SPOUT1: variants seen among roughly 807,000 people sequenced by gnomAD.
SPOUT1 encodes 28S rRNA (uridine-N(3))-methyltransferase.
Under a neutral mutation model 54.8 loss-of-function variants are expected in SPOUT1, and 40 were observed. The observed-to-expected ratio is 0.73, with a 90% CI of 0.57 to 0.95. SPOUT1 has a LOEUF of 0.95. Ranked by LOEUF, SPOUT1 falls within the 40% of genes least tolerant of loss-of-function variation. The probability of loss-of-function intolerance (pLI) is 0.00; values close to 1 mark genes in which losing one functional copy is unlikely to be tolerated. For missense variants in SPOUT1, 437 were observed against 499.5 expected (o/e 0.87, Z 1.19); for synonymous variants, 193 against 200.3 (o/e 0.96, Z 0.31).
At position 128,829,633 on chromosome 9, in the gene SPOUT1, G is replaced by A. The variant is rs867950174; in HGVS notation, c.36+112C>T. ...TTCGGGGGCTTCCGGCCTGGGATCAGCGGGAAGCAGGCAGCAGGAGGCGCG... is the reference window on the plus strand; with the variant it reads ...TTCGGGGGCTTCCGGCCTGGGATCAACGGGAAGCAGGCAGCAGGAGGCGCG... On this transcript the variant is annotated intron_variant, in intron 1 of 11. Transcript: ENST00000361256. The A allele has an allele frequency of 5.6e-5, 46 of 822,810 alleles. No homozygotes were observed. In the Middle Eastern group the frequency reaches 9.1e-4, roughly 16 times the overall value. The allele number at this position is 822,810 out of a possible 1,614,324, so 51.0% of individuals were successfully genotyped here. A position where few individuals can be genotyped will look rare whatever the true frequency, so the allele number is the denominator to read the frequency against.
rs774163120 is a variant in SPOUT1 at position 128,822,541 on chromosome 9, G to A, written c.*224C>T. 6.3e-5 allele frequency: 99 copies of A among 1,559,892 alleles called. No individual in the cohort carries two copies. Among genetic ancestry groups the A allele is most frequent in the Non-Finnish European group, 2.4e-5 (28 of 1,151,572 alleles). Reference sequence around the variant, plus strand: ...TCGAGAGCATTGAGCGGGCTTCGGGGCTGCTCTTTGTGCCAAACATCCTGG... The same window carrying A: ...TCGAGAGCATTGAGCGGGCTTCGGGACTGCTCTTTGTGCCAAACATCCTGG... On this transcript the variant is annotated 3_prime_UTR_variant, in exon 12 of 12. Coordinates refer to ENST00000361256, the MANE Select transcript of SPOUT1 (RefSeq NM_016390.4).
At position 128,822,322 on chromosome 9, in the gene SPOUT1, C is replaced by T. The variant is rs1233127231; in HGVS notation, c.*443G>A. The T allele has an allele frequency of 1.2e-6, 2 of 1,612,094 alleles. No individual in the cohort carries two copies. The highest frequency in any genetic ancestry group is 2.7e-5 in the African/African-American group (2 of 74,892). ...CCTGCCCACGTGTGCCTGGGTCTGC[C>T]CACAGGACAGAGGCTGATGGGAAAT... On this transcript the variant is annotated 3_prime_UTR_variant, in exon 12 of 12. Coordinates refer to ENST00000361256, the MANE Select transcript of SPOUT1 (RefSeq NM_016390.4).
In SPOUT1 at chr9:128,829,095, C is replaced by T; in HGVS notation, c.82+15G>A. On this transcript the variant is annotated intron_variant, in intron 2 of 11. Coordinates refer to ENST00000361256, the MANE Select transcript of SPOUT1 (RefSeq NM_016390.4). ...AGTGGCCTATGGGAAGATACTCTTA[C>T]CCACCCTTACTTACTCTGTTGCTTC... The T allele has an allele frequency of 1.2e-6, 2 of 1,611,976 alleles. No individual in the cohort carries two copies. The highest frequency in any genetic ancestry group is 2.2e-5 in the East Asian group (1 of 44,872).
chr9:128,821,999 C>G lies in SPOUT1; in HGVS notation c.*766G>C. 3.0e-6 allele frequency: 1 copy of G among 333,444 alleles called. No homozygotes were observed. The highest frequency in any genetic ancestry group is 5.7e-6 in the Non-Finnish European group (1 of 176,042). The allele number at this position is 333,444 out of a possible 1,614,324, so 20.7% of individuals were successfully genotyped here. On this transcript the variant is annotated 3_prime_UTR_variant, in exon 12 of 12. Transcript: ENST00000361256. ...TCATGGTCCTTGCCCACTTGTTGCT[C>G]ACCTCTGTGGGGAGAGATGGACAGT...
At position 128,829,205 on chromosome 9, in the gene SPOUT1, C is replaced by G. The variant is rs377652382; in HGVS notation, c.37-50G>C. The G allele has an allele frequency of 8.6e-6, 13 of 1,507,112 alleles. No individual in the cohort carries two copies. The African/African-American group carries it at 1.6e-4, about 19-fold the overall frequency. 93.4% of individuals were successfully genotyped at this position (1,507,112 alleles called of 1,614,324 possible). The stretch of plus-strand genomic sequence containing the variant: ...TATGAGTGTGAGGCTGATGGTCACA[C>G]CTGGAGGGGGTCCGTTTGCTGCACC... On this transcript the variant is annotated intron_variant, in intron 1 of 11. Coordinates refer to ENST00000361256, the MANE Select transcript of SPOUT1 (RefSeq NM_016390.4).
At position 128,827,082 on chromosome 9, in the gene SPOUT1, G is replaced by A. The variant is rs781712484; in HGVS notation, c.318C>T (p.Ile106=). 6.2e-7 allele frequency: 1 copy of A among 1,614,056 alleles called. No individual in the cohort carries two copies. Among genetic ancestry groups the A allele is most frequent in the Non-Finnish European group, 8.5e-7 (1 of 1,180,044 alleles). ...LAGQIARACA[I]FCVDEIVVFD... The stretch of plus-strand genomic sequence containing the variant: ...ACACCACGATCTCATCCACACAGAA[G>A]ATGGCACAGGCTCTGGCAATCTGAC... Residue 106 remains isoleucine (I), a synonymous_variant, in exon 4 of 12, where the codon ATC becomes ATT. Coordinates refer to ENST00000361256, the MANE Select transcript of SPOUT1 (RefSeq NM_016390.4).
chr9:128,829,583 A>T (rs1227872860), intron 1 of SPOUT1, among the ~76,000 whole-genome samples, 162 bp downstream of exon 1: 11 of 152,192 alleles, frequency 7.2e-5, no homozygotes, highest in Admixed American at 7.2e-4. Context: ...CGCTGTTCCC[A>T]TCCTGCTGAG....
In SPOUT1 at chr9:128,827,197, C is replaced by A. The variant is rs1564436420; in HGVS notation, c.209-6G>T. On this transcript the variant is annotated splice_polypyrimidine_tract_variant and splice_region_variant and intron_variant, in intron 3 of 11. Transcript: ENST00000361256. ...GCTCAGTGTGTAGGGCCGCCCTGAGCAGGGGAGGGATGTTCCCAGCCAGTG... is the reference window on the plus strand; with the variant it reads ...GCTCAGTGTGTAGGGCCGCCCTGAGAAGGGGAGGGATGTTCCCAGCCAGTG... 3 of 1,607,136 alleles carry A rather than the reference C, an allele frequency of 1.9e-6. No homozygotes were observed. The highest frequency in any genetic ancestry group is 2.6e-6 in the Non-Finnish European group (3 of 1,176,318).
In SPOUT1 at chr9:128,821,237, C is replaced by T. The variant is rs2132580906; in HGVS notation, c.*1528G>A. On this transcript the variant is annotated 3_prime_UTR_variant, in exon 12 of 12. Coordinates refer to ENST00000361256, the MANE Select transcript of SPOUT1 (RefSeq NM_016390.4). ...TGCACCAAGCTCTCCCGCCTTCCCC[C>T]TGCAGGTCTGCGGTGCACCAAGCTC... 4 of 251,076 alleles carry T rather than the reference C, an allele frequency of 1.6e-5. No individual in the cohort carries two copies. In the South Asian group the frequency reaches 1.9e-4, roughly 12 times the overall value. 15.6% of individuals were successfully genotyped at this position (251,076 alleles called of 1,614,324 possible).
At position 128,826,379 on chromosome 9, in the gene SPOUT1, G is replaced by T; in HGVS notation, c.508+5C>A. On this transcript the variant is annotated splice_donor_5th_base_variant and intron_variant, in intron 6 of 11. Coordinates refer to ENST00000361256, the MANE Select transcript of SPOUT1 (RefSeq NM_016390.4). This position sits in a 1 kb window ranked among gnomAD's most constrained non-coding sequence, Gnocchi z 5.5. Reference sequence around the variant, plus strand: ...AAATGGGGGGGCGGGCCCATACAGCGTTACCTGCAAACTGTAGATCCTGGT... The same window carrying T: ...AAATGGGGGGGCGGGCCCATACAGCTTTACCTGCAAACTGTAGATCCTGGT... 2 of 1,613,884 alleles carry T rather than the reference G, an allele frequency of 1.2e-6. No homozygotes were observed. Among genetic ancestry groups the T allele is most frequent in the South Asian group, 2.2e-5 (2 of 91,072 alleles).
chr9:128,826,285 C>T lies in SPOUT1; in HGVS notation c.508+99G>A, dbSNP rs1268421047. 1.0e-5 allele frequency: 16 copies of T among 1,563,488 alleles called. No individual in the cohort carries two copies. Among genetic ancestry groups the T allele is most frequent in the African/African-American group, 1.4e-5 (1 of 73,902 alleles). ...CAGACACAGGTCTTGCTCTCCCAGG[C>T]CTGCTTTCCCACCTGGACAGCGCAG... On this transcript the variant is annotated intron_variant, in intron 6 of 11. Transcript: ENST00000361256. This position sits in a 1 kb window ranked among gnomAD's most constrained non-coding sequence, Gnocchi z 5.5.
Position 128,824,981 on chromosome 9 carries a change from G to A in SPOUT1, c.708C>T (p.His236=), listed in dbSNP as rs1236456538. 4 of 1,597,708 alleles carry A rather than the reference G, an allele frequency of 2.5e-6. No homozygotes were observed. The East Asian group carries it at 9.0e-5, about 36-fold the overall frequency. The change falls in exon 8 of 12, where the codon CAC becomes CAT. Residue 236 remains histidine, a synonymous_variant. Transcript: ENST00000361256. ...RVTVRLNQQQ[H]PDCKTYHGKV... ...GTTGGGGAACCTTCCAGATACCTGG[G>A]TGCTGCTGCTGGTTCAGTCGCACAG...
intron 7 of SPOUT1, among the ~76,000 whole-genome samples, chr9:128,825,661 C>T (rs563392222): frequency 5.9e-5 from 9 of 152,288 alleles, no homozygotes; most frequent in African/African-American, 2.2e-4. Context: ...GGACTCCATA[C>T]ATGTAAAGGT....
In SPOUT1 at chr9:128,822,580, C is replaced by A; in HGVS notation, c.*185G>T. ...CAAACATCCTGGCGCGGGCAGGCAG[C>A]CTCAAGGCCATCACGGCGGGCAGTA... On this transcript the variant is annotated 3_prime_UTR_variant, in exon 12 of 12. Coordinates refer to ENST00000361256, the MANE Select transcript of SPOUT1 (RefSeq NM_016390.4). 1.3e-6 allele frequency: 2 copies of A among 1,569,242 alleles called. No individual in the cohort carries two copies. Among genetic ancestry groups the A allele is most frequent in the East Asian group, 2.3e-5 (1 of 43,116 alleles).
chr9:128,824,305 T>G, intron 9 of SPOUT1, 131 bp from the exon 10 acceptor site: 2 of 592,462 alleles, frequency 3.4e-6, no homozygotes, highest in Non-Finnish European at 6.1e-6. Context: ...TGTGTGCGTG[T>G]GTGTACTAAG....
chr9:128,823,236 G>A (rs995325447), intron 11 of SPOUT1, among the ~76,000 whole-genome samples: 3 of 152,106 alleles, frequency 2.0e-5, no homozygotes, highest in Non-Finnish European at 4.4e-5. Context: ...CAGGGCTGTC[G>A]GCCCGGCGAG....
At position 128,822,327 on chromosome 9, in the gene SPOUT1, G is replaced by T; in HGVS notation, c.*438C>A. 6.2e-7 allele frequency: 1 copy of T among 1,613,110 alleles called. No individual in the cohort carries two copies. The highest frequency in any genetic ancestry group is 8.5e-7 in the Non-Finnish European group (1 of 1,179,614). On this transcript the variant is annotated 3_prime_UTR_variant, in exon 12 of 12. Coordinates refer to ENST00000361256, the MANE Select transcript of SPOUT1 (RefSeq NM_016390.4). ...CCACGTGTGCCTGGGTCTGCCCACA[G>T]GACAGAGGCTGATGGGAAATCCTAC... is the stretch of plus-strand genomic sequence containing the variant.
intron 3 of SPOUT1, 29 bp downstream of exon 3, chr9:128,828,706 C>T (rs372823356): frequency 2.1e-5 from 34 of 1,610,740 alleles, no homozygotes; most frequent in Non-Finnish European, 2.8e-5. Context: ...GGGCCACAAC[C>T]TGTGGCCCTC....
At position 128,826,979 on chromosome 9, in the gene SPOUT1, C is replaced by T. The variant is rs901810698; in HGVS notation, c.368+53G>A. Reference sequence around the variant, plus strand: ...GCCATGGTGAAGCCTCGGCCCATCCCGGCAGCCCCTCCCTCTCCCTGAACC... The same window carrying T: ...GCCATGGTGAAGCCTCGGCCCATCCTGGCAGCCCCTCCCTCTCCCTGAACC... On this transcript the variant is annotated intron_variant, in intron 4 of 11. Transcript: ENST00000361256. The surrounding 1 kb of genome is among the most constrained non-coding windows in gnomAD (Gnocchi z 5.5). 10 of 1,576,140 alleles carry T rather than the reference C, an allele frequency of 6.3e-6. No homozygotes were observed. Among genetic ancestry groups the T allele is most frequent in the Non-Finnish European group, 8.7e-6 (10 of 1,153,032 alleles).
Sources: allele counts gnomAD v4.1 joint callset (sites outside exome capture counted in the v4.1 genomes callset), GRCh38; gene constraint gnomAD v4.1.1; non-coding constraint Gnocchi (gnomAD v3.1); transcripts MANE v1.5; gene names NCBI Gene and HGNC (gene_info 2026-07-23, HGNC 2026-07-21).